BCAR3: variants seen among roughly 807,000 people sequenced by gnomAD.
BCAR3 encodes the protein breast cancer anti-estrogen resistance protein 3.
In BCAR3, 37 loss-of-function variants were observed where a neutral mutation model predicts 80.1. That is an observed-to-expected ratio of 0.46 (90% CI 0.36 to 0.61). The LOEUF (loss-of-function observed/expected upper bound fraction) is 0.61, where lower values mean the gene tolerates loss of function less well. BCAR3 is among the 20% of genes least tolerant of loss of function. The pLI is 0.00. For synonymous variants in BCAR3, 389 were observed against 418.9 expected (o/e 0.93, Z 0.87); for missense variants, 978 against 1,068.2 (o/e 0.92, Z 1.18).
chr1:93,752,421 T>C (rs565331044), intron 2 of BCAR3, among the ~76,000 whole-genome samples: 1 of 152,358 alleles, frequency 6.6e-6, no homozygotes, highest in African/African-American at 2.4e-5. Flanking sequence ...CTAAGATGCA[T>C]AAAACAAATT....
At chr1:93,599,510 AAGTC>A (rs1377586976) in intron 3 of BCAR3, 1 of 152,234 alleles carries the variant, frequency 6.6e-6, no homozygotes, top group African/African-American at 2.4e-5. Flanking sequence ...ACACTCCAGA[AAGTC>A]AGAGTCACGG....
intron 2 of BCAR3, among the ~76,000 whole-genome samples, chr1:93,733,656 A>T (rs923974812): frequency 3.9e-5 from 6 of 152,152 alleles, no homozygotes; most frequent in African/African-American, 1.2e-4. Context: ...CAGCTGGATG[A>T]TGTGTGTGTG....
At chr1:93,787,475 C>T (rs888240771) in intron 2 of BCAR3, among the ~76,000 whole-genome samples, 2 of 152,210 alleles carry the variant, frequency 1.3e-5, no homozygotes, top group African/African-American at 4.8e-5. Flanking sequence ...CTTAGCACCA[C>T]TTTTGCTGTT....
upstream of BCAR3, among the ~76,000 whole-genome samples, chr1:93,682,388 G>A (rs905366561): frequency 2.0e-5 from 3 of 152,282 alleles, no homozygotes; most frequent in East Asian, 5.8e-4. Context: ...AATAGTAGAA[G>A]GATAGACAAA....
At chr1:93,613,875 T>A in intron 3 of BCAR3, 3 of 1,550,576 alleles carry the variant, frequency 1.9e-6, no homozygotes, top group African/African-American at 2.7e-5. Context: ...CTTGCGGTGA[T>A]AGAAGCAGCA....
intron 11 of BCAR3, among the ~76,000 whole-genome samples, chr1:93,566,203 T>C (rs888286328): frequency 3.1e-4 from 47 of 152,192 alleles, no homozygotes; most frequent in African/African-American, 1.1e-3. Flanking sequence ...TACTTGTGGA[T>C]CCCAGTTTTC....
chr1:93,707,963 A>G (rs1316765839), intron 2 of BCAR3, among the ~76,000 whole-genome samples: 2 of 152,192 alleles, frequency 1.3e-5, no homozygotes, highest in Non-Finnish European at 2.9e-5. Context: ...AGCAGTGTGT[A>G]AAAGCAATGG....
intron 11 of BCAR3, among the ~76,000 whole-genome samples, chr1:93,565,546 T>C (rs568762528): frequency 1.3e-5 from 2 of 152,350 alleles, no homozygotes; most frequent in East Asian, 3.9e-4. Context: ...TTTAAAGTGA[T>C]TTAAAGCTGT....
At position 93,642,315 on chromosome 1, in the gene BCAR3, C is replaced by G; in HGVS notation, c.346G>C (p.Glu116Gln). ...RDPHLLDPTV[E>Q]YVKFSKERHI... ...TTCTCATTTCCTACCTTCACATATT[C>G]CACAGTTGGGTCCAGAAGATGTGGA... Residue 116 changes from glutamate (E) to glutamine (Q), a missense_variant, in exon 3 of 12, where the codon GAA (glutamate) becomes CAA (glutamine). Physicochemically the swap from Glu to Gln is conservative, Grantham distance 29 (BLOSUM62 2). Coordinates refer to ENST00000260502, the MANE Select transcript of BCAR3 (RefSeq NM_003567.4). 6.2e-7 allele frequency: 1 copy of G among 1,613,776 alleles called. No homozygotes were observed. The highest frequency in any genetic ancestry group is 2.2e-5 in the East Asian group (1 of 44,880).
chr1:93,644,267 A>C (rs1358288158), intron 2 of BCAR3, among the ~76,000 whole-genome samples: 1 of 152,240 alleles, frequency 6.6e-6, no homozygotes, highest in Non-Finnish European at 1.5e-5. Context: ...CTGGAACAGG[A>C]AACATTTGTC....
At chr1:93,637,775 C>T (rs17110195) in intron 3 of BCAR3, among the ~76,000 whole-genome samples, 4,624 of 152,238 alleles carry the variant, frequency 0.03, 80 homozygotes, top group Middle Eastern at 0.055. Context: ...ACAGGGATAT[C>T]GCACAATTAA....
intron 3 of BCAR3, among the ~76,000 whole-genome samples, chr1:93,624,812 G>C (rs1675407613): frequency 2.0e-5 from 3 of 152,256 alleles, no homozygotes; most frequent in Admixed American, 2.0e-4. Flanking sequence ...CAGAACTGCA[G>C]AGGCGTGAGG....
intron 3 of BCAR3, among the ~76,000 whole-genome samples, chr1:93,620,735 A>G (rs1675280544): frequency 6.6e-6 from 1 of 152,142 alleles, no homozygotes; most frequent in South Asian, 2.1e-4. Context: ...ACCACCTCTC[A>G]CATGCCGACT....
chr1:93,616,180 C>A (rs561106020), intron 3 of BCAR3, among the ~76,000 whole-genome samples: 20 of 152,268 alleles, frequency 1.3e-4, no homozygotes, highest in East Asian at 5.8e-4. Flanking sequence ...CTAAGAATAT[C>A]TCCAAAATAC....
chr1:93,749,162 G>GTA (rs1390979529), intron 2 of BCAR3, among the ~76,000 whole-genome samples: 1 of 151,976 alleles, frequency 6.6e-6, no homozygotes, highest in Non-Finnish European at 1.5e-5. Flanking sequence ...GTGTGTGTGT[G>GTA]TGGTAATTGC....
chr1:93,586,029 C>A lies in BCAR3; in HGVS notation c.930-1908G>T. ...ATCATGGAGAATGGGGTATCCATGC[C>A]CTCTAGCATTTATCCTTTGAGTTAC... On this transcript the variant is annotated intron_variant, in intron 5 of 11. Transcript: ENST00000260502. The surrounding 1 kb of genome is among the most constrained non-coding windows in gnomAD (Gnocchi z 4.2). Among the ~76,000 whole-genome samples the A allele has an allele frequency of 6.6e-6, 1 of 152,018 alleles. No individual in the cohort carries two copies. Among genetic ancestry groups the A allele is most frequent in the Admixed American group, 6.6e-5 (1 of 15,250 alleles).
chr1:93,822,767 T>C (rs76407168), intron 2 of BCAR3, among the ~76,000 whole-genome samples: 1 of 151,942 alleles, frequency 6.6e-6, no homozygotes, highest in Non-Finnish European at 1.5e-5. Flanking sequence ...TTTTTTTTTT[T>C]CCTGAAAGTG....
intron 2 of BCAR3, among the ~76,000 whole-genome samples, chr1:93,730,886 A>T (rs1413858210): frequency 6.6e-6 from 1 of 152,218 alleles, no homozygotes; most frequent in African/African-American, 2.4e-5. Flanking sequence ...ACTTGGCAGT[A>T]GAGAACCCTG....
chr1:93,584,104 C>T lies in BCAR3; in HGVS notation c.947G>A (p.Gly316Asp), dbSNP rs1405974333. ...GTGATCCAGGCAGGCGGGCTGGCTA[C>T]CACTCTTTTCTTTGTTTCTGAAGTA... ...GNLLRNKEKS[G>D]SQPACLDHMQ... is the part of the protein sequence containing the mutation. Residue 316 changes from glycine to aspartate, a missense_variant, in exon 6 of 12, where the codon GGT becomes GAT. Transcript: ENST00000260502. 1 of 1,614,012 alleles carries T rather than the reference C, an allele frequency of 6.2e-7. No individual in the cohort carries two copies. Among genetic ancestry groups the T allele is most frequent in the East Asian group, 2.2e-5 (1 of 44,882 alleles).
Sources: allele counts gnomAD v4.1 joint callset (sites outside exome capture counted in the v4.1 genomes callset), GRCh38; gene constraint gnomAD v4.1.1; non-coding constraint Gnocchi (gnomAD v3.1); transcripts MANE v1.5; gene names NCBI Gene and HGNC (gene_info 2026-07-23, HGNC 2026-07-21).